The following ARHGAP5 variants were observed in gnomAD, a reference collection of about 807,000 sequenced individuals.
ARHGAP5 encodes rho GTPase-activating protein 5.
A neutral mutation model predicts 116.6 loss-of-function variants in ARHGAP5; 23 were observed. The observed-to-expected ratio is 0.20, with a 90% CI of 0.14 to 0.28. The LOEUF is 0.28. ARHGAP5 is among the 10% of genes least tolerant of loss of function. The pLI, the probability that ARHGAP5 is intolerant of heterozygous loss-of-function variation, is 1.00. For missense variants in ARHGAP5, 1,405 were observed against 1,774.8 expected, an observed-to-expected ratio of 0.79 and a Z score of 3.74; for synonymous variants, 574 against 602.0, an observed-to-expected ratio of 0.95 and a Z score of 0.68.
chr14:32,087,489 G>A (rs1046434921), intron 1 of ARHGAP5, among the ~76,000 whole-genome samples: 3 of 33,634 alleles, frequency 8.9e-5, no homozygotes, highest in Non-Finnish European at 1.8e-4. Context: ...GCCCTCCCCC[G>A]CTTTTTTTTT....
At chr14:32,099,306 A>G (rs946312989) in intron 2 of ARHGAP5, among the ~76,000 whole-genome samples, 2 of 152,172 alleles carry the variant, frequency 1.3e-5, no homozygotes, top group Non-Finnish European at 2.9e-5. Flanking sequence ...GTAGGAAGTT[A>G]CGGGTCATCG....
At chr14:32,119,040 T>C (rs932381578) in intron 3 of ARHGAP5, among the ~76,000 whole-genome samples, 5 of 152,126 alleles carry the variant, frequency 3.3e-5, no homozygotes, top group Non-Finnish European at 7.4e-5. Context: ...TTAAGTGCTT[T>C]GGTAGAAAGA....
chr14:32,097,495 CA>C (rs1282841155), intron 2 of ARHGAP5, among the ~76,000 whole-genome samples: 5 of 152,130 alleles, frequency 3.3e-5, no homozygotes, highest in Non-Finnish European at 5.9e-5. Flanking sequence ...TGTACACAGA[CA>C]AGCAAAATTT....
At chr14:32,150,178 C>A in intron 5 of ARHGAP5, 145 bp downstream of exon 5, 1 of 627,446 alleles carries the variant, frequency 1.6e-6, no homozygotes. Flanking sequence ...AGGCATTTTC[C>A]TCTAAATTAA....
chr14:32,151,238 G>A (rs755873539), intron 5 of ARHGAP5, among the ~76,000 whole-genome samples: 6 of 152,174 alleles, frequency 3.9e-5, no homozygotes, highest in Non-Finnish European at 5.9e-5. Flanking sequence ...TAGAAGTAAT[G>A]TGTAACAAAT....
In ARHGAP5 at chr14:32,092,923, G is replaced by A; in HGVS notation, c.2254G>A (p.Gly752Arg). 1 of 1,614,026 alleles carries A rather than the reference G, an allele frequency of 6.2e-7. No homozygotes were observed. The highest frequency in any genetic ancestry group is 8.5e-7 in the Non-Finnish European group (1 of 1,179,936). The part of the protein sequence containing the change: ...NETQIKQALR[G>R]VLESVKHNLD... ...AACCCAAATAAAGCAAGCTCTCAGAGGAGTATTGGAATCAGTTAAACACAA... is the reference window on the plus strand; with the variant it reads ...AACCCAAATAAAGCAAGCTCTCAGAAGAGTATTGGAATCAGTTAAACACAA... Residue 752 changes from glycine to arginine, a missense_variant, in exon 2 of 7, where the codon GGA (glycine) becomes AGA (arginine). Physicochemically the swap from Gly to Arg is moderately radical, Grantham distance 125. Transcript: ENST00000345122. The surrounding 1 kb of genome is among the most constrained non-coding windows in gnomAD (Gnocchi z 4.1).
chr14:32,098,400 AG>A (rs1321811535), intron 2 of ARHGAP5, among the ~76,000 whole-genome samples: 1 of 152,234 alleles, frequency 6.6e-6, no homozygotes, highest in African/African-American at 2.4e-5. Flanking sequence ...TGGTGAGGAA[AG>A]GCCTTCTTGA....
Position 32,114,223 on chromosome 14 carries a change from G to A in ARHGAP5, c.3718-2917G>A, listed in dbSNP as rs142606078. Among the ~76,000 whole-genome samples the A allele has an allele frequency of 1.2e-3, 168 of 145,888 alleles. 2 individuals are homozygous for A. In the East Asian group the frequency reaches 0.025, roughly 22 times the overall value. On this transcript the variant is annotated intron_variant, in intron 2 of 6. Coordinates refer to ENST00000345122, the MANE Select transcript of ARHGAP5 (RefSeq NM_001030055.2). Reference sequence around the variant, plus strand: ...AGCCTGGGCCACAGAGCTAGACTCCGTCTCAAAAAAAAAAAAAATCTACCC... The same window carrying A: ...AGCCTGGGCCACAGAGCTAGACTCCATCTCAAAAAAAAAAAAAATCTACCC...
intron 5 of ARHGAP5, among the ~76,000 whole-genome samples, chr14:32,151,068 T>C (rs537971123): frequency 6.6e-6 from 1 of 152,336 alleles, no homozygotes; most frequent in South Asian, 2.1e-4. Flanking sequence ...GATTCTTTTT[T>C]TTAATTCTGT....
Position 32,101,502 on chromosome 14 carries a change from C to T in ARHGAP5, c.3717+7116C>T, listed in dbSNP as rs552656231. Among the ~76,000 whole-genome samples the T allele has an allele frequency of 1.2e-3, 190 of 152,148 alleles. 1 individual carries two copies. Among genetic ancestry groups the T allele is most frequent in the African/African-American group, 4.4e-3 (181 of 41,500 alleles). On this transcript the variant is annotated intron_variant, in intron 2 of 6. Transcript: ENST00000345122. ...AAGTATATGAAAATGTTTCTGTTGTCATTTGTCTATATCAGAATGCATAAG... is the reference window on the plus strand; with the variant it reads ...AAGTATATGAAAATGTTTCTGTTGTTATTTGTCTATATCAGAATGCATAAG...
rs750663217 is a variant in ARHGAP5, at chr14:32,154,786, T to C, written c.4347T>C (p.Phe1449=). ...ETFIQQCQFF[F]YNGEIVETTN... is the part of the protein sequence containing the mutation. Reference sequence around the variant, plus strand: ...TCATTCAGCAGTGTCAGTTTTTCTTTTACAATGGAGAAATTGTAGAAACGA... The same window carrying C: ...TCATTCAGCAGTGTCAGTTTTTCTTCTACAATGGAGAAATTGTAGAAACGA... Residue 1449 remains phenylalanine, a synonymous_variant, in exon 7 of 7, where the codon TTT becomes TTC. Coordinates refer to ENST00000345122, the MANE Select transcript of ARHGAP5 (RefSeq NM_001030055.2). 6.2e-7 allele frequency: 1 copy of C among 1,614,196 alleles called. No individual in the cohort carries two copies.
At chr14:32,130,519 A>G (rs557681993) in intron 3 of ARHGAP5, among the ~76,000 whole-genome samples, 8 of 143,176 alleles carry the variant, frequency 5.6e-5, no homozygotes, top group African/African-American at 2.1e-4. Flanking sequence ...ACCATGCCCA[A>G]CCTGGCATTG....
At position 32,157,466 on chromosome 14, in the gene ARHGAP5, C is replaced by G. The variant is rs1566689740; in HGVS notation, c.*2518C>G. 1 of 152,226 alleles carries G rather than the reference C, an allele frequency of 6.6e-6. No individual in the cohort carries two copies. The highest frequency in any genetic ancestry group is 6.6e-5 in the Admixed American group (1 of 15,252). 9.4% of individuals were successfully genotyped at this position (152,226 alleles called of 1,614,324 possible). ...TACTGAATAAAATTTCATCTACACA[C>G]ATGTTGCCATTGTTTCATTTAAGGT... On this transcript the variant is annotated 3_prime_UTR_variant, in exon 7 of 7. Coordinates refer to ENST00000345122, the MANE Select transcript of ARHGAP5 (RefSeq NM_001030055.2).
chr14:32,147,516 G>A (rs1268070230), intron 4 of ARHGAP5, among the ~76,000 whole-genome samples: 1 of 152,176 alleles, frequency 6.6e-6, no homozygotes, highest in African/African-American at 2.4e-5. Flanking sequence ...GTTGGTTGTA[G>A]GTGCCTTTTG....
intron 1 of ARHGAP5, chr14:32,078,303 G>C (rs113818027): frequency 5.9e-5 from 9 of 152,322 alleles, no homozygotes; most frequent in African/African-American, 2.2e-4. Flanking sequence ...GGAAGTAAGG[G>C]CAAACTGTTA....
At chr14:32,129,593 C>G (rs550597291) in intron 3 of ARHGAP5, among the ~76,000 whole-genome samples, 1 of 152,056 alleles carries the variant, frequency 6.6e-6, no homozygotes, top group South Asian at 2.1e-4. Flanking sequence ...AATACAACTT[C>G]CTTAAGTAAA....
chr14:32,144,635 C>G (rs986707968), intron 3 of ARHGAP5, among the ~76,000 whole-genome samples: 1 of 152,002 alleles, frequency 6.6e-6, no homozygotes, highest in African/African-American at 2.4e-5. Flanking sequence ...AAGCGCCCAC[C>G]ACCATGCCTA....
At chr14:32,116,472 AGTCCCAGCTACTTG>A in intron 2 of ARHGAP5, among the ~76,000 whole-genome samples, 1 of 151,566 alleles carries the variant, frequency 6.6e-6, no homozygotes. Context: ...GGGCGCCTGT[AGTCCCAGCTACTTG>A]GGAGGCTGAG....
At chr14:32,081,985 T>TC (rs1555354659) in intron 1 of ARHGAP5, among the ~76,000 whole-genome samples, 1 of 152,032 alleles carries the variant, frequency 6.6e-6, no homozygotes, top group Non-Finnish European at 1.5e-5. Context: ...ATGAAACTGT[T>TC]CCCCCTCAGA....
Sources: allele counts gnomAD v4.1 joint callset (sites outside exome capture counted in the v4.1 genomes callset), GRCh38; gene constraint gnomAD v4.1.1; non-coding constraint Gnocchi (gnomAD v3.1); transcripts MANE v1.5; gene names NCBI Gene and HGNC (gene_info 2026-07-23, HGNC 2026-07-21).